GLIS1: variants seen among roughly 807,000 people sequenced by gnomAD.
GLIS1 encodes the protein zinc finger protein GLIS1.
In GLIS1, 24 loss-of-function variants were observed where a neutral mutation model predicts 63.8. The observed-to-expected ratio is 0.38, with a 90% CI of 0.27 to 0.53. GLIS1 has a LOEUF of 0.53. Ranked by LOEUF, GLIS1 falls within the 20% of genes least tolerant of loss-of-function variation. The pLI, the probability that GLIS1 is intolerant of heterozygous loss-of-function variation, is 0.85. For missense variants in GLIS1, 1,036 were observed against 1,074.1 expected (o/e 0.96, Z 0.50); for synonymous variants, 450 against 482.5 (o/e 0.93, Z 0.88).
intron 7 of GLIS1, among the ~76,000 whole-genome samples, chr1:53,516,842 C>T (rs896138651): frequency 6.6e-6 from 1 of 152,084 alleles, no homozygotes; most frequent in East Asian, 1.9e-4. Flanking sequence ...GCACCACCAC[C>T]ACCACCACCG....
At chr1:53,572,113 G>A (rs939668685) in intron 4 of GLIS1, among the ~76,000 whole-genome samples, 9 of 152,186 alleles carry the variant, frequency 5.9e-5, no homozygotes, top group African/African-American at 2.2e-4. Context: ...ATATTTGCAT[G>A]TATTCTCTTG....
chr1:53,716,350 C>T (rs534348155), intron 2 of GLIS1, among the ~76,000 whole-genome samples: 117 of 151,974 alleles, frequency 7.7e-4, no homozygotes, highest in Middle Eastern at 3.4e-3. Flanking sequence ...CTAAGCTAGG[C>T]AAGGAAGGAA....
chr1:53,648,111 C>G (rs1040877983), intron 2 of GLIS1, among the ~76,000 whole-genome samples: 1 of 151,948 alleles, frequency 6.6e-6, no homozygotes, highest in Non-Finnish European at 1.5e-5. Context: ...GAGGTGGAGG[C>G]TGCAGTGAGC....
intron 2 of GLIS1, among the ~76,000 whole-genome samples, chr1:53,614,851 C>T (rs1372136240): frequency 6.6e-6 from 1 of 151,464 alleles, no homozygotes; most frequent in Non-Finnish European, 1.5e-5. Context: ...CACACACGGA[C>T]TCTCACCCTC....
intron 4 of GLIS1, among the ~76,000 whole-genome samples, chr1:53,542,496 A>G (rs1644653666): frequency 6.6e-6 from 1 of 152,042 alleles, no homozygotes; most frequent in African/African-American, 2.4e-5. Flanking sequence ...CAACAAACAA[A>G]TGAGCCTTGA....
At position 53,630,734 on chromosome 1, in the gene GLIS1, C is replaced by A. The variant is rs574007228; in HGVS notation, c.260-30456G>T. 8.5e-5 allele frequency among the ~76,000 whole-genome samples: 13 copies of A among 152,258 alleles called. No homozygotes were observed. The South Asian group carries it at 2.7e-3, about 32-fold the overall frequency. On this transcript the variant is annotated intron_variant, in intron 2 of 10. Transcript: ENST00000628545. Reference sequence around the variant, plus strand: ...CTGGTCTCGAACTCCAGACCTCAGGCAATCCACCCGCCTCGGCCTCCCAAA... The same window carrying A: ...CTGGTCTCGAACTCCAGACCTCAGGAAATCCACCCGCCTCGGCCTCCCAAA...
At chr1:53,530,220 G>T (rs1348088913) in intron 4 of GLIS1, among the ~76,000 whole-genome samples, 1 of 152,206 alleles carries the variant, frequency 6.6e-6, no homozygotes, top group Admixed American at 6.5e-5. Flanking sequence ...TTCTGGACCC[G>T]AAAGGCTCCC....
In GLIS1 at chr1:53,685,334, G is replaced by A. The variant is rs537476796; in HGVS notation, c.259+52472C>T. ...TACCATTCCTTGTGGCCGCCCCGCC[G>A]CGGAGGACCGCGTCCCCAGAGCGCC... On this transcript the variant is annotated intron_variant, in intron 2 of 10. Coordinates refer to ENST00000628545, the MANE Select transcript of GLIS1 (RefSeq NM_001367484.1). Among the ~76,000 whole-genome samples the A allele has an allele frequency of 3.9e-5, 6 of 152,312 alleles. No homozygotes were observed. The East Asian group carries it at 7.8e-4, about 20-fold the overall frequency.
At chr1:53,604,577 G>A (rs898043644) in intron 2 of GLIS1, among the ~76,000 whole-genome samples, 7 of 152,170 alleles carry the variant, frequency 4.6e-5, no homozygotes, top group African/African-American at 1.2e-4. Context: ...CATCATGACC[G>A]CCTTCTTGTT....
At chr1:53,534,090 C>T (rs1644558767) in intron 4 of GLIS1, among the ~76,000 whole-genome samples, 1 of 151,948 alleles carries the variant, frequency 6.6e-6, no homozygotes, top group Non-Finnish European at 1.5e-5. Context: ...GTGGGTGTGG[C>T]TTGAAGGGCC....
intron 6 of GLIS1, among the ~76,000 whole-genome samples, chr1:53,523,463 C>A (rs1644432282): frequency 6.6e-6 from 1 of 152,202 alleles, no homozygotes; most frequent in Non-Finnish European, 1.5e-5. Context: ...TGGCAGTGTC[C>A]ACAGTTCACA....
intron 4 of GLIS1, among the ~76,000 whole-genome samples, chr1:53,556,158 G>C (rs528396972): frequency 1.5e-3 from 215 of 139,658 alleles, no homozygotes; most frequent in African/African-American, 5.5e-3. Flanking sequence ...TACTGCAGCT[G>C]TGTGTGTGTA....
Position 53,729,951 on chromosome 1 carries a change from A to G in GLIS1, c.259+7855T>C, listed in dbSNP as rs146973382. On this transcript the variant is annotated intron_variant, in intron 2 of 10. Transcript: ENST00000628545. ...AGGCAGTCTTGAGATTAAACACACA[A>G]TTACAGCCGTTTTCTCCAGAGAGAT... 8.5e-5 allele frequency among the ~76,000 whole-genome samples: 13 copies of G among 152,318 alleles called. 1 individual carries two copies. The South Asian group carries it at 1.7e-3, about 19-fold the overall frequency.
intron 5 of GLIS1, among the ~76,000 whole-genome samples, chr1:53,528,324 T>C (rs1644493265): frequency 6.6e-6 from 1 of 152,190 alleles, no homozygotes; most frequent in African/African-American, 2.4e-5. Flanking sequence ...TCCCCCAAGA[T>C]GCCTGCCACA....
rs551506140 is a variant in GLIS1, at chr1:53,676,132, G to A, written c.259+61674C>T. On this transcript the variant is annotated intron_variant, in intron 2 of 10. Transcript: ENST00000628545. ...CTTTGGGATTCAGCAAATTAACACC[G>A]TTTGCTCTGGTTTGGGGTTTGAGGT... Among the ~76,000 whole-genome samples, 8 of 152,236 alleles carry A rather than the reference G, an allele frequency of 5.3e-5. No individual in the cohort carries two copies. The East Asian group carries it at 7.7e-4, about 15-fold the overall frequency.
Position 53,679,964 on chromosome 1 carries a change from C to T in GLIS1, c.259+57842G>A, listed in dbSNP as rs1290561766. Among the ~76,000 whole-genome samples, 93 of 152,110 alleles carry T rather than the reference C, an allele frequency of 6.1e-4. 2 individuals are homozygous for T. Among genetic ancestry groups the T allele is most frequent in the Admixed American group, 6.1e-3 (93 of 15,278 alleles). On this transcript the variant is annotated intron_variant, in intron 2 of 10. Transcript: ENST00000628545. ...CATGTTCCTGTGGCACCCAGGGTGC[C>T]CCCAAATATGGAAGCAGTAATGGAG... is the stretch of plus-strand genomic sequence containing the variant.
intron 2 of GLIS1, among the ~76,000 whole-genome samples, chr1:53,732,587 C>G (rs1468331996): frequency 2.0e-5 from 3 of 151,896 alleles, no homozygotes; most frequent in Admixed American, 1.3e-4. Context: ...ACAAATATTT[C>G]AGGAGTTTGG....
At chr1:53,568,139 G>C (rs1644952605) in intron 4 of GLIS1, among the ~76,000 whole-genome samples, 1 of 152,224 alleles carries the variant, frequency 6.6e-6, no homozygotes, top group Non-Finnish European at 1.5e-5. Flanking sequence ...CACAGGGATG[G>C]AGTTGCTTGA....
At chr1:53,535,142 G>A (rs1438415886) in intron 4 of GLIS1, among the ~76,000 whole-genome samples, 1 of 152,032 alleles carries the variant, frequency 6.6e-6, no homozygotes, top group Admixed American at 6.6e-5. Flanking sequence ...GGAGTTTTGG[G>A]GGCTCCCTTC....
Sources: gnomAD v4.1 joint callset for allele counts (sites outside exome capture counted in the v4.1 genomes callset) on GRCh38, gnomAD v4.1.1 for gene constraint, MANE v1.5 for transcripts, NCBI Gene and HGNC (gene_info 2026-07-23, HGNC 2026-07-21) for gene names.